The following PI4K2B variants were observed in gnomAD, a reference collection of about 807,000 sequenced individuals.
PI4K2B encodes phosphatidylinositol 4-kinase type 2-beta.
In PI4K2B, 46 loss-of-function variants were observed where a neutral mutation model predicts 56.6. The ratio of observed to expected loss-of-function variants is 0.81; its 90% confidence interval spans 0.64 to 1.04. The LOEUF (loss-of-function observed/expected upper bound fraction) is 1.04, where lower values mean the gene tolerates loss of function less well. PI4K2B is among the 50% of genes least tolerant of loss of function. The pLI is 0.00. For synonymous variants in PI4K2B, 211 were observed against 223.8 expected (o/e 0.94, Z 0.51); for missense variants, 556 against 607.7 (o/e 0.91, Z 0.89).
chr4:25,240,347 A>G (rs1478557286), intron 1 of PI4K2B, among the ~76,000 whole-genome samples: 2 of 152,124 alleles, frequency 1.3e-5, no homozygotes, highest in Non-Finnish European at 2.9e-5. Context: ...TCTATTTGGG[A>G]TTGTAGAGTA....
chr4:25,249,382 G>A (rs1353204868), intron 1 of PI4K2B, among the ~76,000 whole-genome samples: 1 of 144,502 alleles, frequency 6.9e-6, no homozygotes. Flanking sequence ...TCCCAGACGG[G>A]GTGGCCGGGC....
At chr4:25,255,290 A>G in intron 3 of PI4K2B, 25 bp downstream of exon 3, 1 of 1,577,952 alleles carries the variant, frequency 6.3e-7, no homozygotes, top group Non-Finnish European at 8.7e-7. Context: ...ATTTTTAACC[A>G]TGGACTTTTA....
chr4:25,272,445 T>C (rs1716935954), intron 9 of PI4K2B, among the ~76,000 whole-genome samples: 2 of 152,214 alleles, frequency 1.3e-5, no homozygotes, highest in Admixed American at 6.5e-5. Flanking sequence ...AAAGATAATA[T>C]GTCCTGACCA....
At position 25,277,695 on chromosome 4, in the gene PI4K2B, A is replaced by G. The variant is rs1283654602; in HGVS notation, c.*508A>G. 2.0e-5 allele frequency: 3 copies of G among 152,340 alleles called. No individual in the cohort carries two copies. The highest frequency in any genetic ancestry group is 4.4e-5 in the Non-Finnish European group (3 of 68,094). The allele number at this position is 152,340 out of a possible 1,614,324, so 9.4% of individuals were successfully genotyped here. Reference sequence around the variant, plus strand: ...TTTTAGAATTTGAATAAGTACTCCTAAAGTGACCATTATTAGGGACCAGAA... The same window carrying G: ...TTTTAGAATTTGAATAAGTACTCCTGAAGTGACCATTATTAGGGACCAGAA... On this transcript the variant is annotated 3_prime_UTR_variant, in exon 10 of 10. Transcript: ENST00000264864.
chr4:25,263,857 T>C lies in PI4K2B; in HGVS notation c.1078+8T>C. Reference sequence around the variant, plus strand: ...CTGATGAATGGAGAGCATGTGAGTATTTAGAACCTTCTGTAGAGTCTATAA... The same window carrying C: ...CTGATGAATGGAGAGCATGTGAGTACTTAGAACCTTCTGTAGAGTCTATAA... On this transcript the variant is annotated splice_region_variant and intron_variant, in intron 7 of 9. Transcript: ENST00000264864. The C allele has an allele frequency of 8.2e-7, 1 of 1,223,672 alleles. No homozygotes were observed. Among genetic ancestry groups the C allele is most frequent in the South Asian group, 1.2e-5 (1 of 80,756 alleles). 75.8% of individuals were successfully genotyped at this position (1,223,672 alleles called of 1,614,324 possible). A position where few individuals can be genotyped will look rare whatever the true frequency, so the allele number is the denominator to read the frequency against.
At chr4:25,246,770 T>C (rs58858953) in intron 1 of PI4K2B, among the ~76,000 whole-genome samples, 2,760 of 152,142 alleles carry the variant, frequency 0.018, 75 homozygotes, top group African/African-American at 0.059. Flanking sequence ...CCCTGCCCTG[T>C]GGGGAGGCAG....
chr4:25,267,437 C>G (rs1442878073), intron 7 of PI4K2B, among the ~76,000 whole-genome samples: 1 of 152,266 alleles, frequency 6.6e-6, no homozygotes, highest in Non-Finnish European at 1.5e-5. Flanking sequence ...CTCCTGTAGT[C>G]CTAGCTACTT....
At chr4:25,242,658 G>T (rs1255035525) in intron 1 of PI4K2B, among the ~76,000 whole-genome samples, 2 of 152,242 alleles carry the variant, frequency 1.3e-5, no homozygotes, top group Non-Finnish European at 2.9e-5. Context: ...AGGGACTGCT[G>T]CATTTCCTTA....
chr4:25,247,286 T>G (rs1158974147), intron 1 of PI4K2B, among the ~76,000 whole-genome samples: 1 of 152,270 alleles, frequency 6.6e-6, no homozygotes, highest in East Asian at 1.9e-4. Context: ...AGTGAGCTTT[T>G]GAAAGTCCGT....
intron 9 of PI4K2B, among the ~76,000 whole-genome samples, chr4:25,275,694 T>C (rs1717067606): frequency 1.3e-5 from 2 of 151,728 alleles, no homozygotes; most frequent in South Asian, 4.2e-4. Context: ...AAAAAGAAAA[T>C]GTTAAGGGAA....
rs905658090 is a variant in PI4K2B, at chr4:25,234,199, C to A, written c.36C>A (p.Ser12=). The A allele has an allele frequency of 7.1e-7, 1 of 1,403,764 alleles. No individual in the cohort carries two copies. The highest frequency in any genetic ancestry group is 9.3e-7 in the Non-Finnish European group (1 of 1,078,318). 87.0% of individuals were successfully genotyped at this position (1,403,764 alleles called of 1,614,324 possible). Residue 12 remains serine (S), a synonymous_variant, in exon 1 of 10, where the codon TCC becomes TCA. Coordinates refer to ENST00000264864, the MANE Select transcript of PI4K2B (RefSeq NM_018323.4). ...CCTCCGAGCCCGACCGGTTGGCGTC[C>A]GCGGACGGCGGGAGCCCGGAGGAGG... is the stretch of plus-strand genomic sequence containing the variant. ...EDPSEPDRLA[S]ADGGSPEEEE... is the part of the protein sequence containing the mutation.
chr4:25,257,813 T>G (rs891427406), intron 4 of PI4K2B, among the ~76,000 whole-genome samples: 1 of 152,232 alleles, frequency 6.6e-6, no homozygotes, highest in Non-Finnish European at 1.5e-5. Context: ...GAAATAAGTG[T>G]GACTAAAGGA....
intron 1 of PI4K2B, among the ~76,000 whole-genome samples, chr4:25,245,192 C>G (rs1210504018): frequency 6.6e-6 from 1 of 152,102 alleles, no homozygotes; most frequent in Non-Finnish European, 1.5e-5. Flanking sequence ...TTATGTCTTT[C>G]TGATTGGTGA....
chr4:25,259,757 T>G lies in PI4K2B; in HGVS notation c.910+567T>G, dbSNP rs149801894. The stretch of plus-strand genomic sequence containing the variant: ...TAATGTTTCAAGAAAGTTTACAAAT[T>G]TTTGTTGGGCCACATTCAAAGCCAT... On this transcript the variant is annotated intron_variant, in intron 5 of 9. Coordinates refer to ENST00000264864, the MANE Select transcript of PI4K2B (RefSeq NM_018323.4). 3.2e-3 allele frequency among the ~76,000 whole-genome samples: 487 copies of G among 152,124 alleles called. 1 individual carries two copies. The highest frequency in any genetic ancestry group is 0.011 in the African/African-American group (469 of 41,518).
intron 1 of PI4K2B, among the ~76,000 whole-genome samples, chr4:25,245,390 G>T (rs1177474236): frequency 6.6e-6 from 1 of 152,158 alleles, no homozygotes. Flanking sequence ...GGATAGATGG[G>T]CAAATCTCGC....
chr4:25,234,257 C>A lies in PI4K2B; in HGVS notation c.94C>A (p.Arg32=). ...EDGEREPLLP[R]IAWAHPRRGA... ...TGGGGAGCGGGAGCCGCTGCTACCG[C>A]GGATCGCCTGGGCCCACCCGCGGAG... is the stretch of plus-strand genomic sequence containing the variant. Residue 32 remains arginine (R), a synonymous_variant, in exon 1 of 10, where the codon CGG becomes AGG. Coordinates refer to ENST00000264864, the MANE Select transcript of PI4K2B (RefSeq NM_018323.4). 1 of 1,426,546 alleles carries A rather than the reference C, an allele frequency of 7.0e-7. No homozygotes were observed. The highest frequency in any genetic ancestry group is 9.2e-7 in the Non-Finnish European group (1 of 1,088,276). The allele number at this position is 1,426,546 out of a possible 1,614,324, so 88.4% of individuals were successfully genotyped here.
rs538594081 is a variant in PI4K2B, at chr4:25,271,181, C to T, written c.1272+1978C>T. 4.6e-5 allele frequency among the ~76,000 whole-genome samples: 7 copies of T among 152,222 alleles called. No individual in the cohort carries two copies. In the East Asian group the frequency reaches 5.8e-4, roughly 13 times the overall value. Reference sequence around the variant, plus strand: ...AGTTTTAAGTAGTTAAGTGAAGGCTCGAGAAATAGAATGGAGCCAGAGTAT... The same window carrying T: ...AGTTTTAAGTAGTTAAGTGAAGGCTTGAGAAATAGAATGGAGCCAGAGTAT... On this transcript the variant is annotated intron_variant, in intron 9 of 9. Coordinates refer to ENST00000264864, the MANE Select transcript of PI4K2B (RefSeq NM_018323.4).
chr4:25,243,215 A>C (rs1715601240), intron 1 of PI4K2B, among the ~76,000 whole-genome samples: 1 of 152,124 alleles, frequency 6.6e-6, no homozygotes, highest in Non-Finnish European at 1.5e-5. Context: ...TGCCCCGGGC[A>C]CCCTCAGTCC....
intron 1 of PI4K2B, among the ~76,000 whole-genome samples, chr4:25,247,765 A>G (rs1177741707): frequency 6.6e-6 from 1 of 152,072 alleles, no homozygotes; most frequent in Admixed American, 6.6e-5. Flanking sequence ...GTGCAGTGGC[A>G]TGATCACGGC....
Sources: gnomAD v4.1 joint callset for allele counts (sites outside exome capture counted in the v4.1 genomes callset) on GRCh38, gnomAD v4.1.1 for gene constraint, MANE v1.5 for transcripts, NCBI Gene and HGNC (gene_info 2026-07-23, HGNC 2026-07-21) for gene names.